Variants in PREX1 observed in about 807,000 individuals in gnomAD.
PREX1 encodes phosphatidylinositol-3,4,5-trisphosphate dependent Rac exchange factor 1, also known as phosphatidylinositol 3,4,5-trisphosphate-dependent Rac exchanger 1 protein.
Under a neutral mutation model 198.3 loss-of-function variants are expected in PREX1, and 41 were observed. The observed-to-expected ratio is 0.21, with a 90% CI of 0.16 to 0.27. The LOEUF (loss-of-function observed/expected upper bound fraction) is 0.27. PREX1 is among the 10% of genes least tolerant of loss of function. PREX1 has a pLI of 1.00. For missense variants in PREX1, 1,620 were observed against 2,200.7 expected (o/e 0.74, Z 5.28); for synonymous variants, 843 against 887.2 (o/e 0.95, Z 0.89).
At chr20:48,685,775 C>T in intron 10 of PREX1, among the ~76,000 whole-genome samples, 1 of 152,172 alleles carries the variant, frequency 6.6e-6, no homozygotes, top group Non-Finnish European at 1.5e-5. Context: ...TGGCACACAC[C>T]TGTAGTCTCA....
chr20:48,820,435 G>A (rs769875033), intron 1 of PREX1, among the ~76,000 whole-genome samples: 10 of 152,198 alleles, frequency 6.6e-5, no homozygotes, highest in Non-Finnish European at 1.2e-4. Flanking sequence ...AAGGTGGCTC[G>A]AGAGTCTGTG....
chr20:48,811,123 T>G (rs1006990999), intron 1 of PREX1, among the ~76,000 whole-genome samples: 3 of 152,092 alleles, frequency 2.0e-5, no homozygotes, highest in African/African-American at 7.2e-5. Context: ...AAGCCAGAAA[T>G]AATAGGTTTT....
At chr20:48,793,411 T>C (rs1170148305) in intron 1 of PREX1, among the ~76,000 whole-genome samples, 1 of 152,192 alleles carries the variant, frequency 6.6e-6, no homozygotes, top group Non-Finnish European at 1.5e-5. Flanking sequence ...GGGGAATTCC[T>C]TATGGCATGT....
intron 4 of PREX1, among the ~76,000 whole-genome samples, chr20:48,730,426 C>T (rs1293813578): frequency 6.6e-6 from 1 of 150,926 alleles, no homozygotes; most frequent in Non-Finnish European, 1.5e-5. Context: ...CACACACACA[C>T]ACACACACAC....
intron 31 of PREX1, 23 bp downstream of exon 31, chr20:48,637,688 C>T (rs753757923): frequency 1.2e-6 from 2 of 1,600,494 alleles, no homozygotes; most frequent in African/African-American, 2.7e-5. Context: ...TATGTGCCCC[C>T]CACACACCTT....
intron 1 of PREX1, among the ~76,000 whole-genome samples, chr20:48,809,269 A>G (rs1368240535): frequency 1.3e-5 from 2 of 152,234 alleles, no homozygotes; most frequent in Non-Finnish European, 2.9e-5. Flanking sequence ...CCATGGGCCA[A>G]CGGGGCTCCC....
intron 35 of PREX1, among the ~76,000 whole-genome samples, chr20:48,631,416 T>C (rs2089313550): frequency 6.6e-6 from 1 of 152,202 alleles, no homozygotes; most frequent in Non-Finnish European, 1.5e-5. Flanking sequence ...TTTTGCTCAC[T>C]GCACATTCCC....
chr20:48,844,323 C>T, the PREX1 span, among the ~76,000 whole-genome samples: 15 of 152,150 alleles, frequency 9.9e-5, no homozygotes, highest in Admixed American at 9.8e-4. Context: ...CAGATATGTG[C>T]TCAGACTCTA....
At chr20:48,803,798 T>C (rs1200314803) in intron 1 of PREX1, among the ~76,000 whole-genome samples, 1 of 152,200 alleles carries the variant, frequency 6.6e-6, no homozygotes, top group Non-Finnish European at 1.5e-5. Context: ...GGGTGATACT[T>C]GGTTCATGGA....
chr20:48,740,962 G>A (rs1441459904), intron 3 of PREX1, among the ~76,000 whole-genome samples: 1 of 152,072 alleles, frequency 6.6e-6, no homozygotes, highest in Non-Finnish European at 1.5e-5. Flanking sequence ...CAATGATGAT[G>A]CAAATTTCTC....
intron 1 of PREX1, among the ~76,000 whole-genome samples, chr20:48,818,971 C>T (rs911000862): frequency 2.0e-5 from 3 of 152,168 alleles, no homozygotes; most frequent in South Asian, 2.1e-4. Flanking sequence ...TAACCCAGTA[C>T]CCACAGGAAA....
the PREX1 span, among the ~76,000 whole-genome samples, chr20:48,879,378 T>C: frequency 6.6e-6 from 1 of 152,200 alleles, no homozygotes; most frequent in East Asian, 1.9e-4. Flanking sequence ...AGTGTAGTTA[T>C]ACTGGTTATT....
intron 10 of PREX1, among the ~76,000 whole-genome samples, chr20:48,683,204 T>G (rs982079585): frequency 1.3e-5 from 2 of 152,198 alleles, no homozygotes; most frequent in Admixed American, 1.3e-4. Flanking sequence ...GCCCACCAGC[T>G]GTCTAATTGG....
the PREX1 span, among the ~76,000 whole-genome samples, chr20:48,862,518 G>A: frequency 6.6e-6 from 1 of 151,944 alleles, no homozygotes; most frequent in Non-Finnish European, 1.5e-5. Context: ...GTGGTGAGAA[G>A]GCCTGTAAAA....
At chr20:48,800,076 G>A (rs1302702947) in intron 1 of PREX1, among the ~76,000 whole-genome samples, 1 of 152,206 alleles carries the variant, frequency 6.6e-6, no homozygotes. Flanking sequence ...TGGGACTCTG[G>A]AGAATTTGAA....
At chr20:48,766,171 T>C (rs2090207116) in intron 1 of PREX1, among the ~76,000 whole-genome samples, 1 of 152,186 alleles carries the variant, frequency 6.6e-6, no homozygotes, top group Admixed American at 6.5e-5. Flanking sequence ...GTAATAATAA[T>C]AGAAACAAAG....
the PREX1 span, among the ~76,000 whole-genome samples, chr20:48,875,832 G>A: frequency 6.6e-6 from 1 of 152,148 alleles, no homozygotes; most frequent in African/African-American, 2.4e-5. Context: ...GGGACGACGG[G>A]CAGAAGGCAC....
Position 48,767,166 on chromosome 20 carries a change from G to A in PREX1, c.220-19286C>T, listed in dbSNP as rs79992982. On this transcript the variant is annotated intron_variant, in intron 1 of 39. Coordinates refer to ENST00000371941, the MANE Select transcript of PREX1 (RefSeq NM_020820.4). ...ATGAGAGGATCTCAAAGGGCTCCCA[G>A]CTCTGGGGCTATGAGGTCAGGCCCA... 2.4e-3 allele frequency among the ~76,000 whole-genome samples: 360 copies of A among 152,300 alleles called. 4 individuals are homozygous for A. The East Asian group carries it at 0.046, about 19-fold the overall frequency.
intron 5 of PREX1, among the ~76,000 whole-genome samples, chr20:48,716,323 T>C (rs796634929): frequency 3.9e-5 from 6 of 152,262 alleles, no homozygotes; most frequent in African/African-American, 1.4e-4. Flanking sequence ...TCACATTTAC[T>C]CAAAGGATGT....
Sources: allele counts gnomAD v4.1 joint callset (sites outside exome capture counted in the v4.1 genomes callset), GRCh38; gene constraint gnomAD v4.1.1; transcripts MANE v1.5; gene names NCBI Gene and HGNC (gene_info 2026-07-23, HGNC 2026-07-21).